Variants in DNHD1 observed in about 807,000 individuals in gnomAD.
DNHD1 encodes dynein heavy chain domain 1, also known as dynein heavy chain domain-containing protein 1.
In DNHD1, 383 loss-of-function variants were observed where a neutral mutation model predicts 458.1. The observed-to-expected ratio is 0.84, with a 90% CI of 0.77 to 0.91. DNHD1 has a LOEUF of 0.91. Among genes scored for constraint, DNHD1 ranks in the 40% least tolerant of loss-of-function variants. The pLI is 0.00. For synonymous variants in DNHD1, 2,203 were observed against 2,376.9 expected (o/e 0.93, Z 2.13); for missense variants, 5,336 against 5,866.1 (o/e 0.91, Z 2.95).
At chr11:6,529,757 C>T (rs932699200) in intron 12 of DNHD1, among the ~76,000 whole-genome samples, 6 of 152,210 alleles carry the variant, frequency 3.9e-5, no homozygotes, top group African/African-American at 1.2e-4. Context: ...CTTGCCTGGT[C>T]TCTGCCCTCC....
In DNHD1 at chr11:6,567,204, C is replaced by T. The variant is rs770868045; in HGVS notation, c.11695C>T (p.His3899Tyr). The T allele has an allele frequency of 3.0e-5, 48 of 1,614,026 alleles. No individual in the cohort carries two copies. The highest frequency in any genetic ancestry group is 4.0e-5 in the Non-Finnish European group (47 of 1,179,912). ...LDSMKPREIN[H>Y]GEDLASHLLQ... ...CAGCATGAAGCCACGTGAGATTAATCACGGGGAGGACCTGGCCAGCCATCT... is the reference window on the plus strand; with the variant it reads ...CAGCATGAAGCCACGTGAGATTAATTACGGGGAGGACCTGGCCAGCCATCT... Residue 3899 changes from histidine (H) to tyrosine (Y), a missense_variant, in exon 36 of 43, where the codon CAC becomes TAC. This residue lies in a region of DNHD1 where 695 missense variants were observed against 804.2 expected (regional missense o/e 0.86). Transcript: ENST00000254579.
chr11:6,529,257 C>T (rs1043529675), intron 12 of DNHD1, 136 bp downstream of exon 12: 17 of 972,190 alleles, frequency 1.7e-5, no homozygotes, highest in African/African-American at 4.9e-5. Context: ...TTCCAAAGCC[C>T]GAGGTCCCAG....
rs11287049 is a variant in DNHD1 at position 6,512,211 on chromosome 11, C to CTTTTT, written c.1392+805_1392+809dup. ...CAAGGAATTTCTTTTCTTTTTCTTT[C>CTTTTT]TTTTTTTTTTTTTTTTTTTTTTTTT... is the stretch of plus-strand genomic sequence containing the variant. On this transcript the variant is annotated intron_variant, in intron 7 of 42. Coordinates refer to ENST00000254579, the MANE Select transcript of DNHD1 (RefSeq NM_144666.3). 3.4e-3 allele frequency among the ~76,000 whole-genome samples: 310 copies of CTTTTT among 91,616 alleles called. 18 individuals carry two copies. The highest frequency in any genetic ancestry group is 9.2e-3 in the African/African-American group (196 of 21,340). 60.1% of individuals were successfully genotyped at this position (91,616 alleles called of 152,430 possible).
intron 10 of DNHD1, among the ~76,000 whole-genome samples, chr11:6,526,926 A>G (rs535219865): frequency 6.6e-6 from 1 of 152,238 alleles, no homozygotes; most frequent in East Asian, 1.9e-4. Flanking sequence ...TCTTATTCTT[A>G]GGTCCATCTG....
At chr11:6,514,919 G>A (rs775281349) in intron 7 of DNHD1, among the ~76,000 whole-genome samples, 2 of 152,230 alleles carry the variant, frequency 1.3e-5, no homozygotes, top group Non-Finnish European at 2.9e-5. Context: ...TCCCATGGTG[G>A]AGGGTATCAC....
At chr11:6,507,868 C>G (rs1304337888) in intron 4 of DNHD1, among the ~76,000 whole-genome samples, 2 of 152,192 alleles carry the variant, frequency 1.3e-5, no homozygotes, top group Non-Finnish European at 1.5e-5. Flanking sequence ...ACTTTAGTAA[C>G]TTTGTCAAAA....
chr11:6,528,419 G>A (rs1852757557), intron 10 of DNHD1, 103 bp from the exon 11 acceptor site: 1 of 1,263,750 alleles, frequency 7.9e-7, no homozygotes, highest in Admixed American at 2.5e-5. Context: ...GTGTGTGTGT[G>A]TGTGTGTGTG....
intron 39 of DNHD1, 124 bp downstream of exon 39, chr11:6,568,990 G>C (rs1853773786): frequency 8.6e-7 from 1 of 1,167,858 alleles, no homozygotes; most frequent in Non-Finnish European, 1.2e-6. Context: ...GCAAGGGGAA[G>C]TCAAGGAAGG....
Position 6,545,397 on chromosome 11 carries a change from G to A in DNHD1, c.4458G>A (p.Lys1486=). ...GTGAGGCCCTCAAGCAACTGCCCAA[G>A]CAAAACAAGTTGTACCTGCAACTGT... is the stretch of plus-strand genomic sequence containing the variant. ...SLGEALKQLP[K]QNKLYLQLYV... Residue 1486 remains lysine (K), a synonymous_variant, in exon 21 of 43, where the codon AAG becomes AAA. Transcript: ENST00000254579. The surrounding 1 kb of genome is among the most constrained non-coding windows in gnomAD (Gnocchi z 4.9). The A allele has an allele frequency of 1.3e-6, 2 of 1,551,780 alleles. No individual in the cohort carries two copies. The highest frequency in any genetic ancestry group is 1.7e-6 in the Non-Finnish European group (2 of 1,147,016).
Position 6,557,749 on chromosome 11 carries a change from C to G in DNHD1, c.8454C>G (p.Asp2818Glu). The G allele has an allele frequency of 6.4e-7, 1 of 1,551,716 alleles. No homozygotes were observed. The highest frequency in any genetic ancestry group is 8.7e-7 in the Non-Finnish European group (1 of 1,146,996). ...TACATCCCCAGGAAAAGCCCTCAGA[C>G]CTGGTCTTCAGTCAGGAGCTGATAC... is the stretch of plus-strand genomic sequence containing the variant. Reference protein sequence around the residue: ...LLLHPQEKPSDLVFSQELILG... With the variant: ...LLLHPQEKPSELVFSQELILG... Residue 2818 changes from aspartate to glutamate, a missense_variant, in exon 25 of 43, where the codon GAC becomes GAG. Asp to Glu is a conservative substitution (Grantham distance 45, BLOSUM62 2). Transcript: ENST00000254579.
chr11:6,552,406 C>G (rs925662763), intron 24 of DNHD1, among the ~76,000 whole-genome samples: 1 of 152,020 alleles, frequency 6.6e-6, no homozygotes, highest in Non-Finnish European at 1.5e-5. Context: ...CACCTGTAAT[C>G]CCAACTACTT....
chr11:6,513,504 T>C (rs2723651), intron 7 of DNHD1, among the ~76,000 whole-genome samples: 6,536 of 152,280 alleles, frequency 0.043, 478 homozygotes, highest in African/African-American at 0.15. Context: ...CTCAACATTA[T>C]GTTTGTGAGA....
Position 6,559,117 on chromosome 11 carries a change from C to T in DNHD1, c.9416+11C>T, listed in dbSNP as rs769273891. The T allele has an allele frequency of 1.4e-5, 22 of 1,551,578 alleles. No individual in the cohort carries two copies. Among genetic ancestry groups the T allele is most frequent in the South Asian group, 3.6e-5 (3 of 84,044 alleles). On this transcript the variant is annotated intron_variant, in intron 27 of 42. Coordinates refer to ENST00000254579, the MANE Select transcript of DNHD1 (RefSeq NM_144666.3). Reference sequence around the variant, plus strand: ...GAACAAGGCCCAGCGGTGAGTGTCCCGTCCCCTGCAGTGTACCTCCTTCTG... The same window carrying T: ...GAACAAGGCCCAGCGGTGAGTGTCCTGTCCCCTGCAGTGTACCTCCTTCTG...
At position 6,545,009 on chromosome 11, in the gene DNHD1, C is replaced by T. The variant is rs1853177474; in HGVS notation, c.4070C>T (p.Pro1357Leu). 2 of 1,551,798 alleles carry T rather than the reference C, an allele frequency of 1.3e-6. No homozygotes were observed. The highest frequency in any genetic ancestry group is 1.7e-6 in the Non-Finnish European group (2 of 1,147,012). ...CTCTATGGGGTGTGTGCTCACTTCC[C>T]CCGCCTCTTCTTCCTTAGTGACAGT... ...SVLYGVCAHF[P>L]RLFFLSDSEL... is the part of the protein sequence containing the mutation. The change falls in exon 21 of 43, where the codon CCC becomes CTC. Residue 1357 changes from proline (P) to leucine (L), a missense_variant. Pro to Leu is a moderately conservative substitution (Grantham distance 98). Transcript: ENST00000254579. This position sits in a 1 kb window ranked among gnomAD's most constrained non-coding sequence, Gnocchi z 4.9.
chr11:6,528,949 A>G lies in DNHD1; in HGVS notation c.2175A>G (p.Gln725=), dbSNP rs931634221. 1.3e-6 allele frequency: 2 copies of G among 1,551,582 alleles called. No homozygotes were observed. Among genetic ancestry groups the G allele is most frequent in the East Asian group, 2.4e-5 (1 of 40,938 alleles). Residue 725 remains glutamine, a synonymous_variant, in exon 12 of 43, where the codon CAA becomes CAG. Transcript: ENST00000254579. ...TAACAGGCATTTATGAATTCCTGCA[A>G]TCCTGGGGGCCTCAGAAGCTGGAAG... ...HWITGIYEFL[Q]SWGPQKLEDM...
chr11:6,511,379 C>T lies in DNHD1; in HGVS notation c.1342C>T (p.Leu448=). 6.2e-7 allele frequency: 1 copy of T among 1,614,246 alleles called. No homozygotes were observed. Residue 448 remains leucine, a synonymous_variant, in exon 7 of 43, where the codon CTA becomes TTA. Transcript: ENST00000254579. ...TCTAGCCGAGGAGAAGCATAAGGCT[C>T]TACGGCTGCTCCATCGTTGCCTAAA... ...TALAEEKHKA[L]RLLHRCLNLC...
Position 6,546,418 on chromosome 11 carries a change from T to A in DNHD1, c.5479T>A (p.Leu1827Met), listed in dbSNP as rs751640821. 2.6e-6 allele frequency: 4 copies of A among 1,551,924 alleles called. No individual in the cohort carries two copies. The highest frequency in any genetic ancestry group is 1.7e-4 in the Middle Eastern group (1 of 5,996). The change falls in exon 21 of 43, where the codon TTG (leucine) becomes ATG (methionine). Residue 1827 changes from leucine to methionine, a missense_variant. By Grantham distance (15) the Leu-to-Met change is conservative. Around this residue, in one of 4 missense-constraint regions of DNHD1, gnomAD observed 3,932 missense variants for 4,365.6 expected, o/e 0.90. Coordinates refer to ENST00000254579, the MANE Select transcript of DNHD1 (RefSeq NM_144666.3). ...GCACCTGCTGCTGCGGCCTGTGGCA[T>A]TGGCATTGCCTGATCTGCGGCAAGT... Reference protein sequence around the residue: ...NLHLLLRPVALALPDLRQVAE... With the variant: ...NLHLLLRPVAMALPDLRQVAE...
At chr11:6,565,621 C>T in intron 32 of DNHD1, 74 bp from the exon 33 acceptor site, 1 of 1,389,206 alleles carries the variant, frequency 7.2e-7, no homozygotes, top group Non-Finnish European at 9.6e-7. Flanking sequence ...GAAATGGAGC[C>T]CTTCAGTGAA....
At position 6,539,263 on chromosome 11, in the gene DNHD1, G is replaced by C; in HGVS notation, c.3370G>C (p.Gly1124Arg). The change falls in exon 17 of 43, where the codon GGC becomes CGC. Residue 1124 changes from glycine (G) to arginine (R), a missense_variant. This residue lies in a region of DNHD1 where 3,932 missense variants were observed against 4,365.6 expected (regional missense o/e 0.90). Transcript: ENST00000254579. ...CCAAACTATAGAACTCCTAACGCTGGGCCAGCTGCTTACTTATCCACTGCT... is the reference window on the plus strand; with the variant it reads ...CCAAACTATAGAACTCCTAACGCTGCGCCAGCTGCTTACTTATCCACTGCT... ...SLQTIELLTL[G>R]QLLTYPLLEF... The C allele has an allele frequency of 6.4e-7, 1 of 1,551,600 alleles. No individual in the cohort carries two copies. The highest frequency in any genetic ancestry group is 8.7e-7 in the Non-Finnish European group (1 of 1,146,970).
Sources: allele counts gnomAD v4.1 joint callset (sites outside exome capture counted in the v4.1 genomes callset), GRCh38; gene constraint gnomAD v4.1.1; regional missense constraint gnomAD v4.1.1; non-coding constraint Gnocchi (gnomAD v3.1); transcripts MANE v1.5; gene names NCBI Gene and HGNC (gene_info 2026-07-23, HGNC 2026-07-21).